PCDHA8: variants seen among roughly 807,000 people sequenced by gnomAD.
PCDHA8 encodes protocadherin alpha 8, also known as protocadherin alpha-8.
In PCDHA8, 53 loss-of-function variants were observed where a neutral mutation model predicts 61.8. The observed-to-expected ratio is 0.86, with a 90% CI of 0.69 to 1.08. The LOEUF is 1.08. Ranked by LOEUF, PCDHA8 falls within the 50% of genes least tolerant of loss-of-function variation. The probability of loss-of-function intolerance (pLI) is 0.00; values close to 1 mark genes in which losing one functional copy is unlikely to be tolerated. For missense variants in PCDHA8, 1,293 were observed against 1,245.0 expected (o/e 1.04, Z -0.58); for synonymous variants, 618 against 556.6 (o/e 1.11, Z -1.55).
At chr5:140,898,467 T>G (rs576206648) in intron 1 of PCDHA8, among the ~76,000 whole-genome samples, 147 of 152,296 alleles carry the variant, frequency 9.7e-4, no homozygotes, top group Non-Finnish European at 1.9e-3. Flanking sequence ...CATTGCTTGT[T>G]TTTCTCAGGT....
rs148828100 is a variant in PCDHA8, at chr5:140,841,462, G to C, written c.141G>C (p.Arg47=). The stretch of plus-strand genomic sequence containing the variant: ...CCAAACACGGCACCTTCGTGGGCCG[G>C]ATCGCGCAGGACCTGGGGCTGGAGC... ...EEAKHGTFVG[R]IAQDLGLELA... is the part of the protein sequence containing the mutation. The change falls in exon 1 of 4, where the codon CGG becomes CGC. Residue 47 remains arginine, a synonymous_variant. Coordinates refer to ENST00000531613, the MANE Select transcript of PCDHA8 (RefSeq NM_018911.3). 2.4e-3 allele frequency: 3,771 copies of C among 1,566,800 alleles called. 62 individuals are homozygous for C. Among genetic ancestry groups the C allele is most frequent in the African/African-American group, 0.015 (1,090 of 73,024 alleles).
chr5:140,914,852 C>T (rs2076867528), intron 1 of PCDHA8, among the ~76,000 whole-genome samples: 1 of 151,838 alleles, frequency 6.6e-6, no homozygotes, highest in Non-Finnish European at 1.5e-5. Flanking sequence ...AAAAGGAAGA[C>T]TAATAAAAGT....
chr5:140,853,936 A>G, intron 1 of PCDHA8: 1 of 845,796 alleles, frequency 1.2e-6, no homozygotes, highest in Non-Finnish European at 1.5e-6. Context: ...TGGGAGGCCA[A>G]GGTGGGAGGG....
chr5:140,873,318 G>A (rs1164778902), intron 1 of PCDHA8, among the ~76,000 whole-genome samples: 1 of 152,168 alleles, frequency 6.6e-6, no homozygotes, highest in Non-Finnish European at 1.5e-5. Context: ...GTGAATATTA[G>A]ATAGGGCATA....
intron 1 of PCDHA8, chr5:140,878,017 G>A: frequency 1.2e-6 from 1 of 800,034 alleles, no homozygotes; most frequent in Non-Finnish European, 1.8e-6. Flanking sequence ...ATTAATGAAG[G>A]AAATATGTAG....
chr5:140,928,672 GC>G (rs1466783332), intron 1 of PCDHA8: 1 of 1,614,058 alleles, frequency 6.2e-7, no homozygotes, highest in East Asian at 2.2e-5. Flanking sequence ...TGGTTCTAAT[GC>G]CTGGCTTTCC....
At chr5:140,909,747 G>T (rs1554193902) in intron 1 of PCDHA8, among the ~76,000 whole-genome samples, 1 of 152,146 alleles carries the variant, frequency 6.6e-6, no homozygotes, top group East Asian at 1.9e-4. Context: ...CTGGGGAAAT[G>T]ACCACAGGAT....
At chr5:140,882,961 G>A (rs267600401) in intron 1 of PCDHA8, 1 of 1,614,180 alleles carries the variant, frequency 6.2e-7, no homozygotes, top group Non-Finnish European at 8.5e-7. Context: ...TGCTCATCAC[G>A]ATTCTGGACG....
chr5:140,875,133 A>G (rs1269514593), intron 1 of PCDHA8, among the ~76,000 whole-genome samples: 1 of 152,228 alleles, frequency 6.6e-6, no homozygotes, highest in Non-Finnish European at 1.5e-5. Context: ...CTAAACCCGC[A>G]TTTATAAATG....
intron 1 of PCDHA8, chr5:140,928,095 G>A (rs782045221): frequency 6.2e-7 from 1 of 1,614,190 alleles, no homozygotes; most frequent in African/African-American, 1.3e-5. Flanking sequence ...TGATTGATGG[G>A]CCCCTGGACC....
intron 1 of PCDHA8, chr5:140,929,684 A>C: frequency 3.4e-6 from 1 of 294,182 alleles, no homozygotes; most frequent in Non-Finnish European, 6.5e-6. Flanking sequence ...AATATGTAAG[A>C]GTCTGCTTTA....
At chr5:140,949,634 G>A (rs1172841481) in intron 1 of PCDHA8, among the ~76,000 whole-genome samples, 3 of 151,562 alleles carry the variant, frequency 2.0e-5, no homozygotes, top group East Asian at 1.9e-4. Flanking sequence ...ATGGCATATT[G>A]CTTTTTGTTC....
At chr5:140,942,105 A>G (rs572263085) in intron 1 of PCDHA8, among the ~76,000 whole-genome samples, 2 of 152,344 alleles carry the variant, frequency 1.3e-5, no homozygotes, top group South Asian at 2.1e-4. Context: ...CATTCATATA[A>G]TCAAACTTTA....
intron 1 of PCDHA8, among the ~76,000 whole-genome samples, chr5:140,960,552 A>T (rs1269039449): frequency 6.6e-6 from 1 of 152,162 alleles, no homozygotes; most frequent in Non-Finnish European, 1.5e-5. Flanking sequence ...CTTCATATAG[A>T]CTGAGCTTAG....
intron 1 of PCDHA8, among the ~76,000 whole-genome samples, chr5:140,924,973 GCTCATGT>G (rs1447379119): frequency 2.0e-5 from 3 of 151,826 alleles, no homozygotes; most frequent in African/African-American, 7.2e-5. Flanking sequence ...GAGTGCAGTG[GCTCATGT>G]CTGTAATCCT....
At chr5:140,979,537 A>G (rs538323100) in intron 2 of PCDHA8, among the ~76,000 whole-genome samples, 1 of 152,332 alleles carries the variant, frequency 6.6e-6, no homozygotes, top group East Asian at 1.9e-4. Context: ...ATTGTCATCA[A>G]TGACATGGTT....
chr5:140,892,311 T>C (rs1042617869), intron 1 of PCDHA8, among the ~76,000 whole-genome samples: 1 of 152,222 alleles, frequency 6.6e-6, no homozygotes, highest in Non-Finnish European at 1.5e-5. Flanking sequence ...TTGGGGCTTA[T>C]AACATTTTCT....
intron 1 of PCDHA8, chr5:140,871,254 T>C (rs2052877149): frequency 6.8e-6 from 11 of 1,613,826 alleles, no homozygotes; most frequent in Admixed American, 1.7e-5. Context: ...TGCTGCTGTA[T>C]ACGGCGCTGT....
At chr5:140,952,621 T>C (rs1002649302) in intron 1 of PCDHA8, among the ~76,000 whole-genome samples, 3 of 152,168 alleles carry the variant, frequency 2.0e-5, no homozygotes, top group Admixed American at 2.0e-4. Context: ...TCATCTTCCC[T>C]CCACACTATT....
Sources: gnomAD v4.1 joint callset for allele counts (sites outside exome capture counted in the v4.1 genomes callset) on GRCh38, gnomAD v4.1.1 for gene constraint, MANE v1.5 for transcripts, NCBI Gene and HGNC (gene_info 2026-07-23, HGNC 2026-07-21) for gene names.